SERPINI1: variants seen among roughly 807,000 people sequenced by gnomAD.
SERPINI1 encodes the protein neuroserpin.
A neutral mutation model predicts 41.1 loss-of-function variants in SERPINI1; 19 were observed. The observed-to-expected ratio is 0.46, with a 90% CI of 0.32 to 0.68. The LOEUF (loss-of-function observed/expected upper bound fraction) is 0.68. Ranked by LOEUF, SERPINI1 falls within the 30% of genes least tolerant of loss-of-function variation. The probability of loss-of-function intolerance (pLI) is 0.03; values close to 1 mark genes in which losing one functional copy is unlikely to be tolerated. For synonymous variants in SERPINI1, 138 were observed against 156.6 expected (o/e 0.88, Z 0.89); for missense variants, 460 against 479.2 (o/e 0.96, Z 0.37).
In SERPINI1 at chr3:167,755,794, A is replaced by ATTTTTTT. The variant is rs34182780; in HGVS notation, c.-19+19986_-19+19992dup. Among the ~76,000 whole-genome samples the ATTTTTTT allele has an allele frequency of 1.0e-4, 12 of 119,204 alleles. 1 individual carries two copies. Among genetic ancestry groups the ATTTTTTT allele is most frequent in the Non-Finnish European group, 1.5e-4 (9 of 58,108 alleles). The allele number at this position is 119,204 out of a possible 152,430, so 78.2% of individuals were successfully genotyped here. On this transcript the variant is annotated intron_variant, in intron 1 of 8. Transcript: ENST00000446050. Reference sequence around the variant, plus strand: ...CTATTAAAACAAGTAGGTGTTGCTGATTTTTTTTTTTTTTTTTTTTTGGCT... The same window carrying ATTTTTTT: ...CTATTAAAACAAGTAGGTGTTGCTGATTTTTTTTTTTTTTTTTTTTTTTTTTTTGGCT...
chr3:167,808,832 G>C (rs370517631), intron 6 of SERPINI1, among the ~76,000 whole-genome samples: 1 of 152,036 alleles, frequency 6.6e-6, no homozygotes, highest in African/African-American at 2.4e-5. Flanking sequence ...AAACAGTTTG[G>C]GGGGCTCGTA....
chr3:167,801,968 G>A, intron 5 of SERPINI1, among the ~76,000 whole-genome samples: 1 of 151,988 alleles, frequency 6.6e-6, no homozygotes. Flanking sequence ...CAGAAATAAT[G>A]CCGCATATCT....
intron 6 of SERPINI1, among the ~76,000 whole-genome samples, chr3:167,812,184 A>G (rs1314717319): frequency 2.0e-5 from 3 of 152,146 alleles, no homozygotes; most frequent in African/African-American, 7.2e-5. Context: ...TCTCTCTCCA[A>G]TCTAATCTAT....
chr3:167,786,644 C>T (rs1459933048), intron 1 of SERPINI1, among the ~76,000 whole-genome samples: 1 of 151,952 alleles, frequency 6.6e-6, no homozygotes, highest in Admixed American at 6.6e-5. Flanking sequence ...AGTGTGATGC[C>T]TAGAACATTA....
chr3:167,765,702 T>C (rs1726540955), intron 1 of SERPINI1, among the ~76,000 whole-genome samples: 1 of 152,248 alleles, frequency 6.6e-6, no homozygotes, highest in Admixed American at 6.5e-5. Context: ...ATTGTCAGGC[T>C]GCAAATTTTC....
chr3:167,770,159 G>A (rs1274253140), intron 1 of SERPINI1, among the ~76,000 whole-genome samples: 1 of 150,810 alleles, frequency 6.6e-6, no homozygotes, highest in African/African-American at 2.4e-5. Flanking sequence ...GAAAAGATAT[G>A]TACAAATATA....
At position 167,759,459 on chromosome 3, in the gene SERPINI1, A is replaced by C. The variant is rs147255202; in HGVS notation, c.-19+23636A>C. ...ACTATGCAGCCATAAAAAAGAATGA[A>C]ATCATATACTTCGTAGCAACATGGA... is the stretch of plus-strand genomic sequence containing the variant. On this transcript the variant is annotated intron_variant, in intron 1 of 8. Transcript: ENST00000446050. Among the ~76,000 whole-genome samples the C allele has an allele frequency of 7.8e-3, 1,161 of 148,940 alleles. 11 individuals carry two copies. The highest frequency in any genetic ancestry group is 0.027 in the African/African-American group (1,107 of 40,356).
chr3:167,809,104 G>A (rs772078799), intron 6 of SERPINI1, among the ~76,000 whole-genome samples: 44 of 152,100 alleles, frequency 2.9e-4, no homozygotes, highest in Non-Finnish European at 5.6e-4. Context: ...TGTTTTCATG[G>A]CTTATATCCA....
Position 167,824,325 on chromosome 3 carries a change from T to C in SERPINI1, c.1067-148T>C, listed in dbSNP as rs1577438890. 7.8e-5 allele frequency: 46 copies of C among 590,632 alleles called. No individual in the cohort carries two copies. In the East Asian group the frequency reaches 1.3e-3, roughly 16 times the overall value. The allele number at this position is 590,632 out of a possible 1,614,324, so 36.6% of individuals were successfully genotyped here. A position where few individuals can be genotyped will look rare whatever the true frequency, so the allele number is the denominator to read the frequency against. On this transcript the variant is annotated intron_variant, in intron 7 of 8. Coordinates refer to ENST00000446050, the MANE Select transcript of SERPINI1 (RefSeq NM_001122752.2). ...TCAAGTAGAAATGTTAACACCTTTATAATTTTTCTCCAGTTAAGTCTTTAA... is the reference window on the plus strand; with the variant it reads ...TCAAGTAGAAATGTTAACACCTTTACAATTTTTCTCCAGTTAAGTCTTTAA...
intron 1 of SERPINI1, among the ~76,000 whole-genome samples, chr3:167,751,489 G>A (rs368635098): frequency 2.6e-5 from 4 of 152,160 alleles, no homozygotes; most frequent in Non-Finnish European, 4.4e-5. Context: ...GCAGTCAACC[G>A]TATCTGTTAA....
intron 5 of SERPINI1, among the ~76,000 whole-genome samples, chr3:167,802,551 GA>G (rs1727935778): frequency 6.6e-6 from 1 of 151,774 alleles, no homozygotes; most frequent in Non-Finnish European, 1.5e-5. Context: ...GGCCATCAGA[GA>G]AATGCAAATC....
chr3:167,807,211 A>G (rs1711678751), intron 5 of SERPINI1, 33 bp from the exon 6 acceptor site: 1 of 1,368,524 alleles, frequency 7.3e-7, no homozygotes, highest in South Asian at 1.2e-5. Flanking sequence ...AAGATGCTCT[A>G]ACTAAATATT....
chr3:167,743,487 A>G (rs950361356), intron 1 of SERPINI1, among the ~76,000 whole-genome samples: 3 of 152,168 alleles, frequency 2.0e-5, no homozygotes, highest in Non-Finnish European at 2.9e-5. Context: ...CTGACTTGGC[A>G]AAATTGTAGT....
intron 1 of SERPINI1, among the ~76,000 whole-genome samples, chr3:167,784,389 T>C (rs1407312760): frequency 6.6e-6 from 1 of 152,180 alleles, no homozygotes; most frequent in Non-Finnish European, 1.5e-5. Context: ...GATAACCTCA[T>C]GGAACCTCTA....
At chr3:167,782,865 G>A (rs1197393973) in intron 1 of SERPINI1, among the ~76,000 whole-genome samples, 1 of 152,204 alleles carries the variant, frequency 6.6e-6, no homozygotes, top group South Asian at 2.1e-4. Context: ...ACACAAGCCA[G>A]TAATAGGAGA....
intron 6 of SERPINI1, among the ~76,000 whole-genome samples, chr3:167,822,369 AG>A (rs1366841438): frequency 1.2e-4 from 18 of 152,338 alleles, no homozygotes; most frequent in Non-Finnish European, 2.1e-4. Flanking sequence ...AGGCATAAAT[AG>A]GAAGGGAAAA....
rs150349434 is a variant in SERPINI1 at position 167,800,952 on chromosome 3, G to A, written c.881+6128G>A. Among the ~76,000 whole-genome samples, 463 of 152,248 alleles carry A rather than the reference G, an allele frequency of 3.0e-3. 4 individuals carry two copies. The highest frequency in any genetic ancestry group is 0.011 in the African/African-American group (441 of 41,546). On this transcript the variant is annotated intron_variant, in intron 5 of 8. Transcript: ENST00000446050. The stretch of plus-strand genomic sequence containing the variant: ...CCTGCCTCAGCCTCCTAAGTAGCTG[G>A]GATTACAGGCATGCGCCACCATGTC...
At chr3:167,812,953 A>G (rs1468285131) in intron 6 of SERPINI1, among the ~76,000 whole-genome samples, 1 of 152,178 alleles carries the variant, frequency 6.6e-6, no homozygotes, top group Non-Finnish European at 1.5e-5. Flanking sequence ...ATTTGGATTA[A>G]TAGATAATCC....
intron 5 of SERPINI1, among the ~76,000 whole-genome samples, chr3:167,799,468 G>C (rs574663096): frequency 6.6e-6 from 1 of 152,312 alleles, no homozygotes; most frequent in African/African-American, 2.4e-5. Context: ...TTGGTTCCAA[G>C]TCTTTGCTAT....
Sources: gnomAD v4.1 joint callset for allele counts (sites outside exome capture counted in the v4.1 genomes callset) on GRCh38, gnomAD v4.1.1 for gene constraint, MANE v1.5 for transcripts, NCBI Gene and HGNC (gene_info 2026-07-23, HGNC 2026-07-21) for gene names.